The following PRKAR1B variants were observed in gnomAD, a reference collection of about 807,000 sequenced individuals.
The protein encoded by PRKAR1B is protein kinase cAMP-dependent type I regulatory subunit beta.
In PRKAR1B, 22 loss-of-function variants were observed where a neutral mutation model predicts 46.5. The ratio of observed to expected loss-of-function variants is 0.47; its 90% confidence interval spans 0.34 to 0.68. The LOEUF is 0.68. PRKAR1B is among the 30% of genes least tolerant of loss of function. The pLI, the probability that PRKAR1B is intolerant of heterozygous loss-of-function variation, is 0.01. For synonymous variants in PRKAR1B, 259 were observed against 217.7 expected (o/e 1.19, Z -1.67); for missense variants, 445 against 535.6 (o/e 0.83, Z 1.67).
At position 680,664 on chromosome 7, in the gene PRKAR1B, C is replaced by T; in HGVS notation, c.240G>A (p.Glu80=). The change falls in exon 3 of 11, where the codon GAG becomes GAA. Residue 80 remains glutamate, a synonymous_variant. Coordinates refer to ENST00000537384, the MANE Select transcript of PRKAR1B (RefSeq NM_001164760.2). The part of the protein sequence containing the change: ...KSNSQSDSHD[E]EVSPTPPNPV... ...GGTTCGGGGGGGTGGGCGACACCTC[C>T]TCATCATGGGAGTCCGACTGTGAGT... 6.2e-7 allele frequency: 1 copy of T among 1,613,710 alleles called. No individual in the cohort carries two copies.
At chr7:585,437 G>A (rs578017923) in intron 7 of PRKAR1B, among the ~76,000 whole-genome samples, 29 of 152,302 alleles carry the variant, frequency 1.9e-4, no homozygotes, top group South Asian at 8.3e-4. Context: ...GAGTCCACCC[G>A]GACAGCAGCA....
At chr7:618,332 C>G (rs1192573931) in intron 4 of PRKAR1B, among the ~76,000 whole-genome samples, 1 of 152,196 alleles carries the variant, frequency 6.6e-6, no homozygotes, top group Admixed American at 6.5e-5. Flanking sequence ...AAATATGGAG[C>G]ACTCAGTTCA....
At chr7:727,028 G>C in intron 1 of PRKAR1B, 182 bp downstream of exon 1, 1 of 1,150,372 alleles carries the variant, frequency 8.7e-7, no homozygotes, top group Non-Finnish European at 1.1e-6. Flanking sequence ...CTGGATCTGG[G>C]CCTGCGCCGC....
chr7:727,466 C>T (rs1274418051), upstream of PRKAR1B: 1 of 330,462 alleles, frequency 3.0e-6, no homozygotes, highest in East Asian at 4.8e-5. Context: ...GCGCCGCTTC[C>T]CCCACCCGCC....
chr7:607,529 G>T, intron 4 of PRKAR1B, 77 bp from the exon 5 acceptor site: 4 of 1,273,318 alleles, frequency 3.1e-6, no homozygotes, highest in Non-Finnish European at 4.6e-6. Context: ...TCATTTCACA[G>T]TCTTGTGTAA....
intron 8 of PRKAR1B, among the ~76,000 whole-genome samples, chr7:580,466 C>T (rs1780109700): frequency 6.6e-6 from 1 of 152,014 alleles, no homozygotes; most frequent in African/African-American, 2.4e-5. Flanking sequence ...CGAAAAGAAA[C>T]ACTGTTCATC....
chr7:709,395 C>T (rs1351309596), intron 2 of PRKAR1B, among the ~76,000 whole-genome samples: 5 of 126,526 alleles, frequency 4.0e-5, no homozygotes, highest in South Asian at 2.4e-4. Flanking sequence ...TTTTTTGAGA[C>T]GGAGTCTCGC....
At chr7:635,484 A>G (rs1413947626) in intron 4 of PRKAR1B, among the ~76,000 whole-genome samples, 1 of 152,176 alleles carries the variant, frequency 6.6e-6, no homozygotes, top group Non-Finnish European at 1.5e-5. Context: ...AGCGTCCCCA[A>G]CACTGACTCC....
chr7:680,718 G>T lies in PRKAR1B; in HGVS notation c.186C>A (p.Asn62Lys). Residue 62 changes from asparagine (N) to lysine (K), a missense_variant, in exon 3 of 11, where the codon AAC (asparagine) becomes AAA (lysine). Physicochemically the swap from Asn to Lys is moderately conservative, Grantham distance 94 (BLOSUM62 0). This residue lies in a region of PRKAR1B where 155 missense variants were observed against 127.5 expected (regional missense o/e 1.22). Coordinates refer to ENST00000537384, the MANE Select transcript of PRKAR1B (RefSeq NM_001164760.2). ...ACTTTTGCCGCGCCAAAATCTGCCT[G>T]TTTTCTTCCTGTGTGGGAGAGGAAA... ...EHFEKLEKEE[N>K]RQILARQKSN... 1 of 1,613,930 alleles carries T rather than the reference G, an allele frequency of 6.2e-7. No individual in the cohort carries two copies. Among genetic ancestry groups the T allele is most frequent in the Non-Finnish European group, 8.5e-7 (1 of 1,180,006 alleles).
chr7:709,562 C>T (rs1421814327), intron 2 of PRKAR1B, among the ~76,000 whole-genome samples: 2 of 151,758 alleles, frequency 1.3e-5, no homozygotes, highest in Non-Finnish European at 2.9e-5. Context: ...AGTAGAGACG[C>T]GGTTTCACTG....
rs550239971 is a variant in PRKAR1B, at chr7:600,434, A to G, written c.550-4130T>C. On this transcript the variant is annotated intron_variant, in intron 6 of 10. Coordinates refer to ENST00000537384, the MANE Select transcript of PRKAR1B (RefSeq NM_001164760.2). ...TTGAGCCCAGGAGTTCAAGGCTGCA[A>G]TGAGCTATGATCACGCCACCGCACT... Among the ~76,000 whole-genome samples the G allele has an allele frequency of 4.6e-5, 7 of 152,324 alleles. No homozygotes were observed. The South Asian group carries it at 1.4e-3, about 32-fold the overall frequency.
Position 722,517 on chromosome 7 carries a change from G to A in PRKAR1B, c.-23+4693C>T, listed in dbSNP as rs540479664. ...CTCACAAAGTGCTGGGATGACAGGC[G>A]TGAGCCACCGCGCCTGGCTAATTTT... On this transcript the variant is annotated intron_variant, in intron 1 of 10. Coordinates refer to ENST00000537384, the MANE Select transcript of PRKAR1B (RefSeq NM_001164760.2). Among the ~76,000 whole-genome samples, 66 of 150,018 alleles carry A rather than the reference G, an allele frequency of 4.4e-4. 1 individual carries two copies. The highest frequency in any genetic ancestry group is 1.3e-3 in the African/African-American group (54 of 40,560).
At chr7:552,252 C>T (rs1583187186) in intron 9 of PRKAR1B, among the ~76,000 whole-genome samples, 3 of 110,330 alleles carry the variant, frequency 2.7e-5, no homozygotes, top group Non-Finnish European at 5.7e-5. Context: ...CCCCACCTCC[C>T]ACCCAGGTCC....
At chr7:601,511 T>G (rs1781593012) in intron 6 of PRKAR1B, among the ~76,000 whole-genome samples, 1 of 152,224 alleles carries the variant, frequency 6.6e-6, no homozygotes, top group African/African-American at 2.4e-5. Flanking sequence ...ATCCTTTGAT[T>G]CCCTTAAATG....
chr7:683,132 C>T (rs1778792666), intron 2 of PRKAR1B, among the ~76,000 whole-genome samples: 1 of 152,202 alleles, frequency 6.6e-6, no homozygotes, highest in African/African-American at 2.4e-5. Flanking sequence ...TCTGACATCC[C>T]AAGACCCAGA....
rs77517147 is a variant in PRKAR1B at position 550,047 on chromosome 7, C to G, written c.*383G>C. The G allele has an allele frequency of 0.014, 3,060 of 212,758 alleles. 116 individuals carry two copies. In the East Asian group the frequency reaches 0.15, roughly 11 times the overall value. The allele number at this position is 212,758 out of a possible 1,614,324, so 13.2% of individuals were successfully genotyped here. A position where few individuals can be genotyped will look rare whatever the true frequency, so the allele number is the denominator to read the frequency against. On this transcript the variant is annotated 3_prime_UTR_variant, in exon 11 of 11. Coordinates refer to ENST00000537384, the MANE Select transcript of PRKAR1B (RefSeq NM_001164760.2). ...CCTCAATCTGGGGGACCTGACCTCA[C>G]AGGGTCACCAGGCCCCAGGGGCAAC...
At chr7:705,795 G>C (rs1185828350) in intron 2 of PRKAR1B, among the ~76,000 whole-genome samples, 1 of 152,170 alleles carries the variant, frequency 6.6e-6, no homozygotes, top group East Asian at 1.9e-4. Flanking sequence ...GGGAGGCCGA[G>C]GCAGGTGGAT....
rs559863562 is a variant in PRKAR1B at position 561,005 on chromosome 7, TATAC to T, written c.892-9539_892-9536del. Among the ~76,000 whole-genome samples, 247 of 152,154 alleles carry T rather than the reference TATAC, an allele frequency of 1.6e-3. 1 individual carries two copies. The highest frequency in any genetic ancestry group is 5.8e-3 in the African/African-American group (240 of 41,436). On this transcript the variant is annotated intron_variant, in intron 9 of 10. Transcript: ENST00000537384. ...CTGGACTTAGGCAGAAGCAGAATCCTATACATACACACACACGTGTGAACACACA... is the reference window on the plus strand; with the variant it reads ...CTGGACTTAGGCAGAAGCAGAATCCTATACACACACACGTGTGAACACACA...
chr7:728,598 C>T (rs188760922), upstream of PRKAR1B, among the ~76,000 whole-genome samples: 252 of 152,278 alleles, frequency 1.7e-3, 1 homozygote, highest in African/African-American at 5.6e-3. Context: ...GAATTCCTGG[C>T]ATTTAATGTA....
Sources: gnomAD v4.1 joint callset for allele counts (sites outside exome capture counted in the v4.1 genomes callset) on GRCh38, gnomAD v4.1.1 for gene constraint, gnomAD v4.1.1 regional missense constraint, MANE v1.5 for transcripts, NCBI Gene and HGNC (gene_info 2026-07-23, HGNC 2026-07-21) for gene names.